KALRN: variants seen among roughly 807,000 people sequenced by gnomAD.
KALRN encodes the protein kalirin RhoGEF kinase, also known as kalirin.
In KALRN, 70 loss-of-function variants were observed where a neutral mutation model predicts 353.7. The ratio of observed to expected loss-of-function variants is 0.20; its 90% CI spans 0.16 to 0.24. The LOEUF (loss-of-function observed/expected upper bound fraction) is 0.24, where lower values mean the gene tolerates loss of function less well. Ranked by LOEUF, KALRN falls within the 10% of genes least tolerant of loss-of-function variation. KALRN has a pLI of 1.00. For missense variants in KALRN, 2,791 were observed against 3,756.7 expected, an observed-to-expected ratio of 0.74 and a Z score of 6.72; for synonymous variants, 1,391 against 1,434.8, an observed-to-expected ratio of 0.97 and a Z score of 0.69.
intron 15 of KALRN, among the ~76,000 whole-genome samples, chr3:124,423,787 C>G (rs2092895590): frequency 6.6e-6 from 1 of 152,206 alleles, no homozygotes; most frequent in South Asian, 2.1e-4. Flanking sequence ...AGAAGGATCA[C>G]TTGAGTCCAG....
chr3:124,083,771 C>T (rs1268796505), intron 1 of KALRN, among the ~76,000 whole-genome samples: 1 of 152,202 alleles, frequency 6.6e-6, no homozygotes, highest in Non-Finnish European at 1.5e-5. Flanking sequence ...CAGTGAGAAT[C>T]CTGGCATGCT....
At chr3:124,047,813 T>C (rs536693847) in intron 1 of KALRN, among the ~76,000 whole-genome samples, 23 of 152,244 alleles carry the variant, frequency 1.5e-4, no homozygotes, top group Admixed American at 5.2e-4. Flanking sequence ...AGAACACTTT[T>C]TATATTGAAG....
chr3:124,099,936 G>C (rs966496878), intron 1 of KALRN, among the ~76,000 whole-genome samples: 1 of 152,190 alleles, frequency 6.6e-6, no homozygotes, highest in Admixed American at 6.5e-5. Flanking sequence ...GGCCAAGGCA[G>C]GTGGATCACC....
At chr3:124,365,018 C>A (rs934211125) in intron 10 of KALRN, among the ~76,000 whole-genome samples, 1 of 152,178 alleles carries the variant, frequency 6.6e-6, no homozygotes, top group Non-Finnish European at 1.5e-5. Context: ...ATCCCTCCTG[C>A]CCTGGTCACT....
In KALRN at chr3:124,678,196, A is replaced by G; in HGVS notation, c.7200A>G (p.Ser2400=). The change falls in exon 50 of 60, where the codon TCA becomes TCG. Residue 2400 remains serine (S), a synonymous_variant. Transcript: ENST00000682506. ...GCATTTTTTGGTACAACAGGAAGTC[A>G]TGTTCATGGCATACTCTACGCATGA... ...AESSDGSIKK[S]CSWHTLRMRK... 6.2e-7 allele frequency: 1 copy of G among 1,613,636 alleles called. No individual in the cohort carries two copies. Among genetic ancestry groups the G allele is most frequent in the Non-Finnish European group, 8.5e-7 (1 of 1,179,756 alleles).
intron 1 of KALRN, among the ~76,000 whole-genome samples, chr3:124,039,376 A>G (rs2039731646): frequency 1.3e-5 from 2 of 152,196 alleles, no homozygotes; most frequent in Non-Finnish European, 2.9e-5. Flanking sequence ...TAGCCTTTCC[A>G]TACATGAAGG....
chr3:124,541,887 G>A (rs182932050), intron 33 of KALRN, among the ~76,000 whole-genome samples: 66 of 147,692 alleles, frequency 4.5e-4, no homozygotes, highest in Non-Finnish European at 8.6e-4. Flanking sequence ...GGGAGACTCT[G>A]TCTAAAAAAA....
chr3:124,572,439 G>A (rs906718845), intron 34 of KALRN, among the ~76,000 whole-genome samples: 1 of 151,928 alleles, frequency 6.6e-6, no homozygotes, highest in African/African-American at 2.4e-5. Flanking sequence ...CCTTAAAAGG[G>A]TACTGGCAAA....
Position 124,398,989 on chromosome 3 carries a change from T to C in KALRN, c.2346+118T>C, listed in dbSNP as rs149007802. 552 of 1,064,460 alleles carry C rather than the reference T, an allele frequency of 5.2e-4. 4 individuals carry two copies. The African/African-American group carries it at 7.7e-3, about 15-fold the overall frequency. The allele number at this position is 1,064,460 out of a possible 1,614,324, so 65.9% of individuals were successfully genotyped here. A position where few individuals can be genotyped will look rare whatever the true frequency, so the allele number is the denominator to read the frequency against. ...AATTAGAGCATCCAGCATGCATTTT[T>C]AGAACCCAAGAAATTCCCAGTCCAC... On this transcript the variant is annotated intron_variant, in intron 13 of 59. Transcript: ENST00000682506.
At chr3:124,138,190 G>T (rs1188494184) in intron 1 of KALRN, among the ~76,000 whole-genome samples, 9 of 152,132 alleles carry the variant, frequency 5.9e-5, no homozygotes, top group African/African-American at 1.9e-4. Flanking sequence ...CCACCTCTGG[G>T]CTCAGTGGGA....
At chr3:124,311,175 T>C (rs990138277) in intron 6 of KALRN, among the ~76,000 whole-genome samples, 1 of 140,764 alleles carries the variant, frequency 7.1e-6, no homozygotes, top group Non-Finnish European at 1.5e-5. Context: ...AATCAAAAAC[T>C]CTGGACAGGC....
intron 34 of KALRN, among the ~76,000 whole-genome samples, chr3:124,576,619 C>T (rs951141874): frequency 1.4e-4 from 22 of 152,156 alleles, no homozygotes; most frequent in Non-Finnish European, 2.9e-4. Flanking sequence ...CCATTATTGG[C>T]AGATGTACAT....
chr3:124,366,928 A>C, intron 10 of KALRN, among the ~76,000 whole-genome samples: 1 of 133,316 alleles, frequency 7.5e-6, no homozygotes, highest in Non-Finnish European at 1.6e-5. Context: ...GGCCGGGCAG[A>C]GGGGCTCCTC....
At chr3:124,110,469 G>GCGCACA (rs10634082) in intron 1 of KALRN, among the ~76,000 whole-genome samples, 50,165 of 133,948 alleles carry the variant, frequency 0.37, 10,691 homozygotes, top group South Asian at 0.46. Context: ...ACACACGCGC[G>GCGCACA]CACACACACA....
intron 4 of KALRN, among the ~76,000 whole-genome samples, chr3:124,265,130 A>G (rs2073351473): frequency 6.6e-6 from 1 of 152,032 alleles, no homozygotes; most frequent in Admixed American, 6.6e-5. Context: ...ATCACCTCAA[A>G]CATTTATCAT....
intron 55 of KALRN, among the ~76,000 whole-genome samples, chr3:124,698,713 G>C (rs537950452): frequency 6.6e-6 from 1 of 151,624 alleles, no homozygotes; most frequent in Admixed American, 6.6e-5. Context: ...AGTGTAGTAC[G>C]GGTGGAGTTC....
chr3:124,268,590 T>C (rs956737008), intron 4 of KALRN, 153 bp from the exon 5 acceptor site: 2 of 725,824 alleles, frequency 2.8e-6, no homozygotes, highest in South Asian at 1.8e-5. Flanking sequence ...CTGTGACTCC[T>C]GACCAGTGAG....
chr3:124,117,829 GATA>G (rs1156614390), intron 1 of KALRN, among the ~76,000 whole-genome samples: 1 of 152,182 alleles, frequency 6.6e-6, no homozygotes, highest in Non-Finnish European at 1.5e-5. Context: ...TAGTTTCTAA[GATA>G]ATGGAATTAG....
chr3:124,444,806 A>AAAC (rs2093779780), intron 19 of KALRN, among the ~76,000 whole-genome samples: 1 of 151,692 alleles, frequency 6.6e-6, no homozygotes, highest in South Asian at 2.1e-4. Flanking sequence ...TCAAAAAAAA[A>AAAC]AAAAAAGAAC....
Sources: gnomAD v4.1 joint callset for allele counts (sites outside exome capture counted in the v4.1 genomes callset) on GRCh38, gnomAD v4.1.1 for gene constraint, MANE v1.5 for transcripts, NCBI Gene and HGNC (gene_info 2026-07-23, HGNC 2026-07-21) for gene names.